Variants in COL25A1 observed in about 807,000 individuals in gnomAD.
The protein encoded by COL25A1 is collagen type XXV alpha 1 chain.
COL25A1 carries 103 observed loss-of-function variants against 128.4 expected under a neutral mutation model. The ratio of observed to expected loss-of-function variants is 0.80; its 90% CI spans 0.68 to 0.94. COL25A1 has a LOEUF of 0.94. Ranked by LOEUF, COL25A1 falls within the 40% of genes least tolerant of loss-of-function variation. The pLI, the probability that COL25A1 is intolerant of heterozygous loss-of-function variation, is 0.00. For missense variants in COL25A1, 745 were observed against 840.0 expected, an observed-to-expected ratio of 0.89 and a Z score of 1.40; for synonymous variants, 279 against 277.2, an observed-to-expected ratio of 1.01 and a Z score of -0.06.
At chr4:108,983,515 C>T (rs1260980366) in intron 6 of COL25A1, among the ~76,000 whole-genome samples, 1 of 152,220 alleles carries the variant, frequency 6.6e-6, no homozygotes, top group African/African-American at 2.4e-5. Flanking sequence ...CAGTTGGATT[C>T]TTTGCTTCAT....
chr4:109,111,199 G>T (rs1165558083), intron 3 of COL25A1, among the ~76,000 whole-genome samples: 1 of 152,118 alleles, frequency 6.6e-6, no homozygotes, highest in Non-Finnish European at 1.5e-5. Flanking sequence ...TGCAGGAAAG[G>T]TCTTCTCTTC....
At chr4:108,815,873 T>C (rs986766128) in intron 37 of COL25A1, among the ~76,000 whole-genome samples, 1 of 152,164 alleles carries the variant, frequency 6.6e-6, no homozygotes, top group Non-Finnish European at 1.5e-5. Flanking sequence ...TAAGAACGAT[T>C]GCGAACCCAA....
At chr4:109,252,516 T>C (rs1206906717) in intron 3 of COL25A1, among the ~76,000 whole-genome samples, 1 of 152,238 alleles carries the variant, frequency 6.6e-6, no homozygotes, top group African/African-American at 2.4e-5. Context: ...ATTAAAATCC[T>C]CTTCTGCTGA....
chr4:108,867,268 G>C (rs1464120240), intron 20 of COL25A1, among the ~76,000 whole-genome samples: 1 of 152,148 alleles, frequency 6.6e-6, no homozygotes, highest in African/African-American at 2.4e-5. Context: ...CATTGACCAG[G>C]CCGCCCTTTC....
chr4:109,029,800 C>T (rs1758659724), intron 5 of COL25A1, among the ~76,000 whole-genome samples: 1 of 152,074 alleles, frequency 6.6e-6, no homozygotes, highest in African/African-American at 2.4e-5. Flanking sequence ...ATACAGAGTA[C>T]TCATACAAAT....
At chr4:109,254,343 T>G (rs936749031) in intron 3 of COL25A1, among the ~76,000 whole-genome samples, 1 of 150,352 alleles carries the variant, frequency 6.7e-6, no homozygotes, top group Admixed American at 6.6e-5. Flanking sequence ...CCAAAGACAT[T>G]GAGGCTGAAG....
At chr4:109,092,760 C>T (rs67994606) in intron 3 of COL25A1, among the ~76,000 whole-genome samples, 35,160 of 151,968 alleles carry the variant, frequency 0.23, 5,250 homozygotes, top group African/African-American at 0.41. Flanking sequence ...TATATGCATA[C>T]TTACCTTACT....
intron 3 of COL25A1, among the ~76,000 whole-genome samples, chr4:109,167,797 G>A (rs1032390603): frequency 6.6e-6 from 1 of 152,090 alleles, no homozygotes; most frequent in African/African-American, 2.4e-5. Flanking sequence ...GAAAAAAATG[G>A]AGAGGTATCA....
intron 3 of COL25A1, among the ~76,000 whole-genome samples, chr4:109,223,575 TC>T (rs924989622): frequency 1.3e-5 from 2 of 151,532 alleles, no homozygotes; most frequent in African/African-American, 2.4e-5. Context: ...TGGGGACATC[TC>T]CCCCACCCCC....
rs1739453740 is a variant in COL25A1, at chr4:108,876,355, G to A, written c.1021-7205C>T. On this transcript the variant is annotated intron_variant, in intron 19 of 37. Coordinates refer to ENST00000399132, the MANE Select transcript of COL25A1 (RefSeq NM_198721.4). ...GACAAGAGGAGAGAGAAATAATAGA[G>A]AGGAACAGGCATTTAAAAATGTTCT... Among the ~76,000 whole-genome samples, 3 of 151,946 alleles carry A rather than the reference G, an allele frequency of 2.0e-5. No individual in the cohort carries two copies. The South Asian group carries it at 6.3e-4, about 32-fold the overall frequency.
intron 3 of COL25A1, among the ~76,000 whole-genome samples, chr4:109,193,989 G>T (rs1775819323): frequency 6.6e-6 from 1 of 152,142 alleles, no homozygotes; most frequent in South Asian, 2.1e-4. Flanking sequence ...GATGAGCAAG[G>T]TCTTTGACTA....
chr4:109,225,563 A>C (rs758786871), intron 3 of COL25A1, among the ~76,000 whole-genome samples: 3 of 152,218 alleles, frequency 2.0e-5, no homozygotes, highest in Non-Finnish European at 4.4e-5. Context: ...AGAACTAAAA[A>C]GAGAACTACC....
At chr4:109,112,985 T>C (rs1236285550) in intron 3 of COL25A1, among the ~76,000 whole-genome samples, 26 of 152,114 alleles carry the variant, frequency 1.7e-4, no homozygotes. Flanking sequence ...AGTTTAACTC[T>C]GATTGATAAG....
intron 11 of COL25A1, among the ~76,000 whole-genome samples, chr4:108,933,268 G>T (rs563851653): frequency 4.6e-5 from 7 of 152,194 alleles, no homozygotes; most frequent in African/African-American, 1.4e-4. Flanking sequence ...CAACTCTCTA[G>T]TGCCTCTTAA....
intron 3 of COL25A1, among the ~76,000 whole-genome samples, chr4:109,286,470 G>A (rs1257758349): frequency 6.6e-6 from 1 of 152,084 alleles, no homozygotes; most frequent in Non-Finnish European, 1.5e-5. Flanking sequence ...TATCCTGACT[G>A]TTCTGACTAC....
intron 5 of COL25A1, among the ~76,000 whole-genome samples, chr4:109,012,233 A>C (rs2126047621): frequency 6.6e-6 from 1 of 152,374 alleles, no homozygotes; most frequent in South Asian, 2.1e-4. Flanking sequence ...GCTGGCTACA[A>C]AGGTTTTCTC....
intron 3 of COL25A1, among the ~76,000 whole-genome samples, chr4:109,152,587 T>C (rs1418130734): frequency 6.6e-6 from 1 of 152,152 alleles, no homozygotes. Flanking sequence ...ATAGCATTAT[T>C]CACAAAAGCC....
At chr4:109,187,701 T>C (rs975510297) in intron 3 of COL25A1, among the ~76,000 whole-genome samples, 2 of 152,186 alleles carry the variant, frequency 1.3e-5, no homozygotes, top group Non-Finnish European at 2.9e-5. Context: ...TGTAGTGTTA[T>C]AATGTGATAA....
chr4:108,894,794 T>C (rs1336659332), intron 16 of COL25A1, among the ~76,000 whole-genome samples: 2 of 152,226 alleles, frequency 1.3e-5, no homozygotes, highest in African/African-American at 4.8e-5. Flanking sequence ...TCAGGGTATA[T>C]CATTGGTCTC....
Sources: allele counts gnomAD v4.1 joint callset (sites outside exome capture counted in the v4.1 genomes callset), GRCh38; gene constraint gnomAD v4.1.1; transcripts MANE v1.5; gene names NCBI Gene and HGNC (gene_info 2026-07-23, HGNC 2026-07-21).